POU2F3: variants seen among roughly 807,000 people sequenced by gnomAD.
POU2F3 encodes the protein POU class 2 homeobox 3, also known as POU domain, class 2, transcription factor 3.
In POU2F3, 23 loss-of-function variants were observed where a neutral mutation model predicts 59.2. The observed-to-expected ratio is 0.39, with a 90% confidence interval of 0.28 to 0.55. The LOEUF (loss-of-function observed/expected upper bound fraction) is 0.55, where lower values mean the gene tolerates loss of function less well. Among genes scored for constraint, POU2F3 ranks in the 20% least tolerant of loss-of-function variants. POU2F3 has a pLI of 0.66. For synonymous variants in POU2F3, 190 were observed against 214.6 expected (o/e 0.89, Z 1.00); for missense variants, 473 against 544.5 (o/e 0.87, Z 1.31).
At chr11:120,315,865 CTTTTTTTTTTTT>C (rs34115412) in intron 11 of POU2F3, among the ~76,000 whole-genome samples, 7 of 73,046 alleles carry the variant, frequency 9.6e-5, no homozygotes, top group African/African-American at 4.1e-4. Context: ...CTTCCTTCCA[CTTTTTTTTTTTT>C]TTTTTTTTTT....
At chr11:120,307,445 T>G (rs1446603894) in intron 8 of POU2F3, 34 bp from the exon 9 acceptor site, 5 of 1,610,724 alleles carry the variant, frequency 3.1e-6, no homozygotes, top group Non-Finnish European at 4.2e-6. Context: ...CATCCCCTTC[T>G]CTGAGCTTCC....
chr11:120,309,678 C>T (rs1941602660), intron 10 of POU2F3, 92 bp downstream of exon 10: 2 of 1,413,534 alleles, frequency 1.4e-6, no homozygotes, highest in Non-Finnish European at 2.0e-6. Context: ...AGGGGAGCAT[C>T]CAGTAAATAA....
At chr11:120,249,912 C>T (rs1437700179) in intron 2 of POU2F3, 4 of 152,202 alleles carry the variant, frequency 2.6e-5, no homozygotes, top group Non-Finnish European at 5.9e-5. Context: ...AGCTTATAGC[C>T]AGAAATCAAA....
Position 120,305,016 on chromosome 11 carries a change from G to A in POU2F3, c.445-14G>A, listed in dbSNP as rs780304569. On this transcript the variant is annotated splice_polypyrimidine_tract_variant and intron_variant, in intron 6 of 12. Coordinates refer to ENST00000543440, the MANE Select transcript of POU2F3 (RefSeq NM_014352.4). Reference sequence around the variant, plus strand: ...GATCTTCGTGGTGGATCTGCTTGGCGTGTTTCCTATCAGGCATTTGGGCAC... The same window carrying A: ...GATCTTCGTGGTGGATCTGCTTGGCATGTTTCCTATCAGGCATTTGGGCAC... The A allele has an allele frequency of 1.0e-5, 16 of 1,581,790 alleles. No homozygotes were observed. Among genetic ancestry groups the A allele is most frequent in the South Asian group, 4.6e-5 (4 of 87,530 alleles).
intron 10 of POU2F3, among the ~76,000 whole-genome samples, chr11:120,310,973 C>A (rs1941633898): frequency 6.6e-6 from 1 of 152,162 alleles, no homozygotes; most frequent in South Asian, 2.1e-4. Flanking sequence ...GGACAGGCTT[C>A]CCCGAGGAGA....
At chr11:120,276,469 C>G (rs1454531368) in intron 3 of POU2F3, among the ~76,000 whole-genome samples, 1 of 151,900 alleles carries the variant, frequency 6.6e-6, no homozygotes, top group Non-Finnish European at 1.5e-5. Context: ...GAACTGAGGG[C>G]TGAAAGACTC....
At chr11:120,316,908 C>T (rs1338970356) in intron 11 of POU2F3, among the ~76,000 whole-genome samples, 1 of 152,190 alleles carries the variant, frequency 6.6e-6, no homozygotes, top group African/African-American at 2.4e-5. Flanking sequence ...TCTGGGGCTG[C>T]ATGTGCCCAG....
chr11:120,250,079 A>T (rs1939036129), intron 2 of POU2F3: 1 of 152,154 alleles, frequency 6.6e-6, no homozygotes. Flanking sequence ...ATTTTAAAGG[A>T]TGTGTGCCCA....
At chr11:120,238,283 C>T (rs1479730963), upstream of POU2F3, among the ~76,000 whole-genome samples, 1 of 152,050 alleles carries the variant, frequency 6.6e-6, no homozygotes, top group Middle Eastern at 3.2e-3. Context: ...TTTCTCTCCT[C>T]CCTTCTTTTC....
intron 8 of POU2F3, 134 bp from the exon 9 acceptor site, chr11:120,307,345 G>C (rs1024696526): frequency 2.9e-6 from 3 of 1,035,898 alleles, no homozygotes; most frequent in South Asian, 1.5e-5. Context: ...TGGGCTCCCT[G>C]CTGGGGGAGG....
intron 3 of POU2F3, among the ~76,000 whole-genome samples, chr11:120,275,862 A>C (rs1191237081): frequency 6.6e-6 from 1 of 152,164 alleles, no homozygotes; most frequent in Non-Finnish European, 1.5e-5. Context: ...ATTTAGTTTT[A>C]AACCAACTGG....
intron 9 of POU2F3, among the ~76,000 whole-genome samples, chr11:120,308,704 G>A (rs755437860): frequency 1.6e-4 from 25 of 152,012 alleles, no homozygotes; most frequent in African/African-American, 2.9e-4. Context: ...TTGGGAGGCC[G>A]AGGCAGGTGG....
chr11:120,306,121 T>TA (rs1941479717), intron 8 of POU2F3, among the ~76,000 whole-genome samples: 1 of 152,162 alleles, frequency 6.6e-6, no homozygotes, highest in African/African-American at 2.4e-5. Context: ...CTTATGCAGA[T>TA]TGCTGTCTGG....
At chr11:120,307,380 CA>C in intron 8 of POU2F3, 98 bp from the exon 9 acceptor site, 1 of 1,405,588 alleles carries the variant, frequency 7.1e-7, no homozygotes, top group South Asian at 1.3e-5. Context: ...AATGCCACTG[CA>C]GAGCCCATCG....
intron 8 of POU2F3, 64 bp downstream of exon 8, chr11:120,305,849 TGTC>T: frequency 6.3e-7 from 1 of 1,584,708 alleles, no homozygotes; most frequent in South Asian, 1.1e-5. Flanking sequence ...GCCAGTGACT[TGTC>T]GTGTTGGGGC....
At position 120,307,390 on chromosome 11, in the gene POU2F3, C is replaced by T. The variant is rs952440441; in HGVS notation, c.770-89C>T. The T allele has an allele frequency of 3.2e-5, 47 of 1,475,160 alleles. No individual in the cohort carries two copies. In the East Asian group the frequency reaches 6.6e-4, roughly 21 times the overall value. The allele number at this position is 1,475,160 out of a possible 1,614,324, so 91.4% of individuals were successfully genotyped here. On this transcript the variant is annotated intron_variant, in intron 8 of 12. Coordinates refer to ENST00000543440, the MANE Select transcript of POU2F3 (RefSeq NM_014352.4). ...CTGAAAATGCCACTGCAGAGCCCAT[C>T]GGGAAGGGTTGTTGGACCTCAGATC...
At chr11:120,287,739 G>T (rs1187924219) in intron 3 of POU2F3, among the ~76,000 whole-genome samples, 1 of 152,150 alleles carries the variant, frequency 6.6e-6, no homozygotes, top group East Asian at 1.9e-4. Context: ...TAGGCACTTA[G>T]TTAATACAAA....
chr11:120,257,811 G>A (rs1024058703), intron 2 of POU2F3, among the ~76,000 whole-genome samples: 6 of 152,160 alleles, frequency 3.9e-5, no homozygotes, highest in Admixed American at 6.5e-5. Flanking sequence ...GCTGCAAAAC[G>A]AAGGAACAAC....
chr11:120,283,414 C>T (rs1940651066), intron 3 of POU2F3, among the ~76,000 whole-genome samples: 1 of 152,166 alleles, frequency 6.6e-6, no homozygotes, highest in Admixed American at 6.5e-5. Flanking sequence ...CCAGCAGCAT[C>T]CAGTGGGCTG....
Sources: gnomAD v4.1 joint callset for allele counts (sites outside exome capture counted in the v4.1 genomes callset) on GRCh38, gnomAD v4.1.1 for gene constraint, MANE v1.5 for transcripts, NCBI Gene and HGNC (gene_info 2026-07-23, HGNC 2026-07-21) for gene names.